The following TNRC6B variants were observed in gnomAD, a reference collection of about 807,000 sequenced individuals.
TNRC6B encodes the protein trinucleotide repeat containing adaptor 6B.
TNRC6B carries 52 observed loss-of-function variants against 203.6 expected under a neutral mutation model. The ratio of observed to expected loss-of-function variants is 0.26; its 90% confidence interval spans 0.20 to 0.32. TNRC6B has a LOEUF of 0.32. Among genes scored for constraint, TNRC6B ranks in the 10% least tolerant of loss-of-function variants. The pLI, the probability that TNRC6B is intolerant of heterozygous loss-of-function variation, is 1.00. For synonymous variants in TNRC6B, 838 were observed against 845.7 expected (o/e 0.99, Z 0.16); for missense variants, 1,923 against 2,286.2 (o/e 0.84, Z 3.24).
At chr22:40,112,482 G>T (rs767096252) in intron 1 of TNRC6B, among the ~76,000 whole-genome samples, 1 of 152,128 alleles carries the variant, frequency 6.6e-6, no homozygotes, top group Non-Finnish European at 1.5e-5. Flanking sequence ...GCAGACCCAA[G>T]GGAACAGGAG....
At chr22:40,098,384 CAAAAAAAAAAA>C (rs1056495905) in intron 1 of TNRC6B, among the ~76,000 whole-genome samples, 60 of 51,498 alleles carry the variant, frequency 1.2e-3, no homozygotes, top group African/African-American at 3.1e-3. Flanking sequence ...GACTCCGTCT[CAAAAAAAAAAA>C]AAAAAAAAAA....
chr22:40,217,537 A>G (rs1055317076), intron 1 of TNRC6B, among the ~76,000 whole-genome samples: 3 of 152,184 alleles, frequency 2.0e-5, no homozygotes, highest in African/African-American at 7.2e-5. Context: ...TGTGTACATT[A>G]ATTTCTTTTT....
chr22:40,265,639 A>G lies in TNRC6B; in HGVS notation c.1409A>G (p.Asn470Ser), dbSNP rs908293511. Reference sequence around the variant, plus strand: ...GTTCAGAAATCAACTGGGTCAAAAAATGACTCTTGGGACAACAATAACAGG... The same window carrying G: ...GTTCAGAAATCAACTGGGTCAAAAAGTGACTCTTGGGACAACAATAACAGG... ...ASVQKSTGSKNDSWDNNNRST... is the reference protein window; with the variant it reads ...ASVQKSTGSKSDSWDNNNRST... Residue 470 changes from asparagine (N) to serine (S), a missense_variant, in exon 5 of 23, where the codon AAT becomes AGT. Asn to Ser is a conservative substitution (Grantham distance 46). Around this residue, in one of 8 missense-constraint regions of TNRC6B, gnomAD observed 614 missense variants for 587.7 expected, o/e 1.04. Coordinates refer to ENST00000454349, the MANE Select transcript of TNRC6B (RefSeq NM_001162501.2). 4 of 1,613,772 alleles carry G rather than the reference A, an allele frequency of 2.5e-6. No homozygotes were observed. The highest frequency in any genetic ancestry group is 2.7e-5 in the African/African-American group (2 of 74,934).
intron 1 of TNRC6B, among the ~76,000 whole-genome samples, chr22:40,047,495 T>C (rs1051088620): frequency 4.6e-5 from 7 of 151,550 alleles, no homozygotes; most frequent in Admixed American, 2.0e-4. Flanking sequence ...CCCAGCTACT[T>C]AGGAAACCGA....
intron 1 of TNRC6B, among the ~76,000 whole-genome samples, chr22:40,239,109 G>T (rs553930737): frequency 6.6e-6 from 1 of 152,170 alleles, no homozygotes; most frequent in African/African-American, 2.4e-5. Context: ...AGGCTGAGGC[G>T]TGAGAATCAC....
intron 3 of TNRC6B, among the ~76,000 whole-genome samples, chr22:40,151,695 A>G (rs2068757084): frequency 1.3e-5 from 2 of 152,030 alleles, no homozygotes; most frequent in South Asian, 4.1e-4. Flanking sequence ...TTCAATTAAA[A>G]TAGCAGAAAT....
At chr22:40,218,496 T>C (rs1436173935) in intron 1 of TNRC6B, among the ~76,000 whole-genome samples, 1 of 151,598 alleles carries the variant, frequency 6.6e-6, no homozygotes, top group Non-Finnish European at 1.5e-5. Flanking sequence ...CTGGCTAATA[T>C]TTGTATTTTT....
intron 1 of TNRC6B, among the ~76,000 whole-genome samples, chr22:40,094,944 G>A (rs181609005): frequency 6.6e-6 from 1 of 152,072 alleles, no homozygotes; most frequent in Admixed American, 6.5e-5. Flanking sequence ...TATTGCTGAT[G>A]ATACTGCAGT....
In TNRC6B at chr22:40,261,901, C is replaced by T. The variant is rs2070390740; in HGVS notation, c.185C>T (p.Pro62Leu). ...AASPIGSSPS[P>L]PVNGGNNAKR... ...AGCCCAATTGGCAGCTCTCCATCGC[C>T]ACCAGTCAATGGTGGCAACAATGCC... is the stretch of plus-strand genomic sequence containing the variant. The change falls in exon 4 of 23, where the codon CCA (proline) becomes CTA (leucine). Residue 62 changes from proline to leucine, a missense_variant. Pro to Leu is a moderately conservative substitution (Grantham distance 98). Around this residue, in one of 8 missense-constraint regions of TNRC6B, gnomAD observed 111 missense variants for 155.3 expected, o/e 0.71. Coordinates refer to ENST00000454349, the MANE Select transcript of TNRC6B (RefSeq NM_001162501.2). The T allele has an allele frequency of 6.2e-7, 1 of 1,603,262 alleles. No homozygotes were observed. Among genetic ancestry groups the T allele is most frequent in the Admixed American group, 1.7e-5 (1 of 59,934 alleles).
rs575202604 is a variant in TNRC6B at position 40,254,748 on chromosome 22, G to A, written c.115+3548G>A. On this transcript the variant is annotated intron_variant, in intron 3 of 22. Coordinates refer to ENST00000454349, the MANE Select transcript of TNRC6B (RefSeq NM_001162501.2). ...TAAAAATACAAAAAATTAGCCAGGCGTGGTGGCATGTGCCTGTAGTCCCAA... is the reference window on the plus strand; with the variant it reads ...TAAAAATACAAAAAATTAGCCAGGCATGGTGGCATGTGCCTGTAGTCCCAA... 7.6e-4 allele frequency among the ~76,000 whole-genome samples: 116 copies of A among 152,180 alleles called. 2 individuals are homozygous for A. The South Asian group carries it at 0.018, about 24-fold the overall frequency.
chr22:40,094,396 G>A (rs1047411030), intron 1 of TNRC6B, among the ~76,000 whole-genome samples: 1 of 152,048 alleles, frequency 6.6e-6, no homozygotes, highest in Non-Finnish European at 1.5e-5. Flanking sequence ...AAAAAACCAT[G>A]AATCTCAAAA....
intron 1 of TNRC6B, among the ~76,000 whole-genome samples, chr22:40,091,638 A>G (rs1452860802): frequency 6.6e-6 from 1 of 152,186 alleles, no homozygotes; most frequent in Non-Finnish European, 1.5e-5. Flanking sequence ...AGAGATAGGT[A>G]TTTACCAGTG....
chr22:40,156,100 T>A, intron 3 of TNRC6B: 2 of 1,569,140 alleles, frequency 1.3e-6, no homozygotes, highest in Non-Finnish European at 1.7e-6. Flanking sequence ...TGACCTGTGG[T>A]GCTTGCCTTT....
intron 1 of TNRC6B, among the ~76,000 whole-genome samples, chr22:40,187,255 C>A (rs1457801062): frequency 1.3e-5 from 2 of 152,172 alleles, no homozygotes; most frequent in African/African-American, 4.8e-5. Context: ...AGCACCATCG[C>A]AAAGCATTTC....
intron 2 of TNRC6B, among the ~76,000 whole-genome samples, chr22:40,121,715 G>A (rs1375268858): frequency 2.0e-5 from 3 of 152,216 alleles, no homozygotes; most frequent in African/African-American, 7.2e-5. Context: ...ACAACCGTCT[G>A]TGGCTTGTTT....
Position 40,331,896 on chromosome 22 carries a change from C to A in TNRC6B, c.*8655C>A. Reference sequence around the variant, plus strand: ...GGTCAGCACAGTGAGATAGAGACCTCTGAGTCCTCTTGCCACTGTTGCTGG... The same window carrying A: ...GGTCAGCACAGTGAGATAGAGACCTATGAGTCCTCTTGCCACTGTTGCTGG... On this transcript the variant is annotated 3_prime_UTR_variant, in exon 23 of 23. Transcript: ENST00000454349. 3.1e-6 allele frequency: 1 copy of A among 324,972 alleles called. No individual in the cohort carries two copies. 20.1% of individuals were successfully genotyped at this position (324,972 alleles called of 1,614,324 possible).
chr22:40,177,821 T>A, upstream of TNRC6B: 2 of 1,302,576 alleles, frequency 1.5e-6, no homozygotes, highest in Non-Finnish European at 1.9e-6. Flanking sequence ...GCTTCCCCTT[T>A]AAGGCAGTCT....
Position 40,312,626 on chromosome 22 carries a change from C to G in TNRC6B, c.4557C>G (p.His1519Gln). Residue 1519 changes from histidine (H) to glutamine (Q), a missense_variant, in exon 18 of 23, where the codon CAC becomes CAG. Coordinates refer to ENST00000454349, the MANE Select transcript of TNRC6B (RefSeq NM_001162501.2). ...TATSPIVDTD[H>Q]QLLRDNTTGS... is the part of the protein sequence containing the mutation. ...CATCTCCCATTGTAGATACTGACCA[C>G]CAACTGCTGCGGGATAACACCACAG... The G allele has an allele frequency of 6.2e-7, 1 of 1,612,798 alleles. No homozygotes were observed.
chr22:40,251,593 C>G (rs2070195100), intron 3 of TNRC6B, among the ~76,000 whole-genome samples: 1 of 152,080 alleles, frequency 6.6e-6, no homozygotes, highest in Non-Finnish European at 1.5e-5. Context: ...GAGGCTCATG[C>G]CTGTAATCCC....
Sources: allele counts gnomAD v4.1 joint callset (sites outside exome capture counted in the v4.1 genomes callset), GRCh38; gene constraint gnomAD v4.1.1; regional missense constraint gnomAD v4.1.1; transcripts MANE v1.5; gene names NCBI Gene and HGNC (gene_info 2026-07-23, HGNC 2026-07-21).